CFAP36: variants seen among roughly 807,000 people sequenced by gnomAD.
The protein encoded by CFAP36 is cilia- and flagella-associated protein 36.
A neutral mutation model predicts 50.5 loss-of-function variants in CFAP36; 37 were observed. That is an observed-to-expected ratio of 0.73 (90% confidence interval 0.56 to 0.96). The LOEUF (loss-of-function observed/expected upper bound fraction) is 0.96, where lower values mean the gene tolerates loss of function less well. Among genes scored for constraint, CFAP36 ranks in the 50% least tolerant of loss-of-function variants. The probability of loss-of-function intolerance (pLI) is 0.00; values close to 1 mark genes in which losing one functional copy is unlikely to be tolerated. For synonymous variants in CFAP36, 138 were observed against 128.2 expected (o/e 1.08, Z -0.52); for missense variants, 407 against 396.2 (o/e 1.03, Z -0.23).
At chr2:55,541,035 A>C (rs1269288370) in intron 7 of CFAP36, among the ~76,000 whole-genome samples, 1 of 151,758 alleles carries the variant, frequency 6.6e-6, no homozygotes, top group African/African-American at 2.4e-5. Flanking sequence ...TAAAAAAATA[A>C]AAAAAAGGCC....
intron 9 of CFAP36, among the ~76,000 whole-genome samples, chr2:55,544,570 T>C (rs1199382974): frequency 6.6e-6 from 1 of 152,184 alleles, no homozygotes; most frequent in Non-Finnish European, 1.5e-5. Context: ...AATAGCGGTG[T>C]CATTATACAT....
At chr2:55,535,864 A>G in intron 6 of CFAP36, 101 bp downstream of exon 6, 3 of 1,439,838 alleles carry the variant, frequency 2.1e-6, no homozygotes, top group South Asian at 1.4e-5. Context: ...GTGGAACTAC[A>G]TAATTTTAAG....
intron 7 of CFAP36, among the ~76,000 whole-genome samples, chr2:55,542,294 C>T (rs369636650): frequency 2.8e-4 from 42 of 152,252 alleles, no homozygotes; most frequent in African/African-American, 9.1e-4. Context: ...AATGGTAGAT[C>T]TCAAAAGTAA....
intron 1 of CFAP36, among the ~76,000 whole-genome samples, chr2:55,521,454 CAAT>C (rs916566607): frequency 9.9e-5 from 15 of 151,746 alleles, no homozygotes; most frequent in African/African-American, 3.4e-4. Flanking sequence ...TAACCATTAA[CAAT>C]AATATTACAT....
At chr2:55,527,501 G>T (rs1684240446) in intron 3 of CFAP36, among the ~76,000 whole-genome samples, 1 of 152,142 alleles carries the variant, frequency 6.6e-6, no homozygotes, top group South Asian at 2.1e-4. Context: ...AGAATCGCTT[G>T]AACCTGGGAG....
chr2:55,542,504 T>C (rs141765391), intron 7 of CFAP36, among the ~76,000 whole-genome samples: 84 of 152,324 alleles, frequency 5.5e-4, no homozygotes, highest in Non-Finnish European at 1.0e-3. Flanking sequence ...CTCAGATTGA[T>C]GCAGATTTGC....
chr2:55,527,380 C>T lies in CFAP36; in HGVS notation c.283-1498C>T, dbSNP rs556797048. Among the ~76,000 whole-genome samples the T allele has an allele frequency of 3.6e-4, 55 of 151,464 alleles. 1 individual carries two copies. In the South Asian group the frequency reaches 8.0e-3, roughly 22 times the overall value. ...GGTGGATCACTTGAGGTCAGGAGTT[C>T]GAGACCAGCCTGGCCAACGTGGTGA... On this transcript the variant is annotated intron_variant, in intron 3 of 9. Transcript: ENST00000349456.
intron 7 of CFAP36, among the ~76,000 whole-genome samples, chr2:55,540,238 C>T (rs1036600615): frequency 1.4e-4 from 22 of 152,132 alleles, no homozygotes; most frequent in African/African-American, 5.3e-4. Flanking sequence ...CCTATGTTAT[C>T]TTCTAGGATT....
intron 4 of CFAP36, chr2:55,531,407 C>T (rs527602658): frequency 1.3e-5 from 2 of 152,238 alleles, no homozygotes; most frequent in Admixed American, 6.5e-5. Flanking sequence ...AAATATATAT[C>T]TTGTATCATG....
Position 55,545,076 on chromosome 2 carries a change from C to A in CFAP36, c.*68C>A. ...AAAAATAAATTATTTAGTCCTTACACTGAGCCTTTTAGTTTCGAACACTTT... is the reference window on the plus strand; with the variant it reads ...AAAAATAAATTATTTAGTCCTTACAATGAGCCTTTTAGTTTCGAACACTTT... On this transcript the variant is annotated 3_prime_UTR_variant, in exon 10 of 10. Coordinates refer to ENST00000349456, the MANE Select transcript of CFAP36 (RefSeq NM_080667.7). The A allele has an allele frequency of 1.1e-6, 1 of 948,688 alleles. No homozygotes were observed. The highest frequency in any genetic ancestry group is 1.6e-6 in the Non-Finnish European group (1 of 634,262). The allele number at this position is 948,688 out of a possible 1,614,324, so 58.8% of individuals were successfully genotyped here.
At chr2:55,530,225 C>T (rs553076389) in intron 4 of CFAP36, among the ~76,000 whole-genome samples, 2 of 152,226 alleles carry the variant, frequency 1.3e-5, no homozygotes, top group African/African-American at 4.8e-5. Flanking sequence ...CACAAGCTCT[C>T]TCTTTGCCTG....
Position 55,544,372 on chromosome 2 carries a change from A to ATGGC in CFAP36, c.927+5_927+8dup. The ATGGC allele has an allele frequency of 6.2e-7, 1 of 1,604,772 alleles. No homozygotes were observed. Among genetic ancestry groups the ATGGC allele is most frequent in the Non-Finnish European group, 8.5e-7 (1 of 1,177,284 alleles). ...GAAAACCCACTGGGGAGGTAGAGGT[A>ATGGC]TGGCTAGCCTTAATATGTCAAGATT... On this transcript the variant is annotated splice_donor_region_variant and intron_variant, in intron 9 of 9. Transcript: ENST00000349456.
chr2:55,535,651 A>G, intron 5 of CFAP36, 61 bp from the exon 6 acceptor site: 1 of 1,252,396 alleles, frequency 8.0e-7, no homozygotes, highest in Non-Finnish European at 1.1e-6. Context: ...GCTTAGTTGA[A>G]TATTTGTTCT....
chr2:55,520,331 C>A, intron 1 of CFAP36: 1 of 1,314,022 alleles, frequency 7.6e-7, no homozygotes, highest in Non-Finnish European at 1.0e-6. Flanking sequence ...TACCTGAGTT[C>A]CTTATGATCC....
intron 7 of CFAP36, 33 bp from the exon 8 acceptor site, chr2:55,543,904 AT>A: frequency 6.4e-7 from 1 of 1,564,674 alleles, no homozygotes; most frequent in Middle Eastern, 1.7e-4. Context: ...TTCTCATAAT[AT>A]TCTAATTGCT....
rs1436576240 is a variant in CFAP36 at position 55,533,902 on chromosome 2, T to G, written c.427T>G (p.Ser143Ala). 5.0e-6 allele frequency: 8 copies of G among 1,612,032 alleles called. No homozygotes were observed. Among genetic ancestry groups the G allele is most frequent in the Non-Finnish European group, 6.8e-6 (8 of 1,178,780 alleles). Residue 143 changes from serine to alanine, a missense_variant, in exon 5 of 10, where the codon TCT becomes GCT. Coordinates refer to ENST00000349456, the MANE Select transcript of CFAP36 (RefSeq NM_080667.7). ...ATTACCTGACTGCTTAACCGATGGCTCTGATGTGGTCAGTGACCTTGAACA... is the reference window on the plus strand; with the variant it reads ...ATTACCTGACTGCTTAACCGATGGCGCTGATGTGGTCAGTGACCTTGAACA... ...GVLPDCLTDG[S>A]DVVSDLEHEE...
In CFAP36 at chr2:55,523,768, A is replaced by G; in HGVS notation, c.228A>G (p.Glu76=). The part of the protein sequence containing the change: ...EGYLKEIGIN[E]DQFQEACTSP... The stretch of plus-strand genomic sequence containing the variant: ...ACCTCAAAGAAATTGGAATTAATGA[A>G]GATCAATTTCAAGAAGCATGCACTT... Residue 76 remains glutamate (E), a synonymous_variant, in exon 3 of 10, where the codon GAA becomes GAG. Coordinates refer to ENST00000349456, the MANE Select transcript of CFAP36 (RefSeq NM_080667.7). 1 of 1,609,238 alleles carries G rather than the reference A, an allele frequency of 6.2e-7. No homozygotes were observed. The highest frequency in any genetic ancestry group is 8.5e-7 in the Non-Finnish European group (1 of 1,177,008).
At chr2:55,528,757 T>A (rs1684275752) in intron 3 of CFAP36, 121 bp from the exon 4 acceptor site, 2 of 596,624 alleles carry the variant, frequency 3.4e-6, no homozygotes, top group East Asian at 5.9e-5. Context: ...GGACATCTAA[T>A]CATAAATAAC....
At chr2:55,536,041 A>C (rs375561657) in intron 6 of CFAP36, 1 of 487,882 alleles carries the variant, frequency 2.0e-6, no homozygotes, top group African/African-American at 2.0e-5. Flanking sequence ...AAGCAAGAGT[A>C]GTCATTTTTT....
Sources: allele counts gnomAD v4.1 joint callset (sites outside exome capture counted in the v4.1 genomes callset), GRCh38; gene constraint gnomAD v4.1.1; transcripts MANE v1.5; gene names NCBI Gene and HGNC (gene_info 2026-07-23, HGNC 2026-07-21).